Variants in CLCN6 observed in about 807,000 individuals in gnomAD.
CLCN6 encodes the protein Cl-/H+ antiporter 6, also known as H(+)/Cl(-) exchange transporter 6.
CLCN6 carries 70 observed loss-of-function variants against 109.8 expected under a neutral mutation model. The ratio of observed to expected loss-of-function variants is 0.64; its 90% CI spans 0.53 to 0.78. The LOEUF is 0.78. Ranked by LOEUF, CLCN6 falls within the 30% of genes least tolerant of loss-of-function variation. The pLI is 0.00. For synonymous variants in CLCN6, 444 were observed against 447.8 expected (o/e 0.99, Z 0.11); for missense variants, 984 against 1,142.3 (o/e 0.86, Z 2.00).
At chr1:11,836,584 T>C (rs1028511628) in intron 18 of CLCN6, among the ~76,000 whole-genome samples, 6 of 152,240 alleles carry the variant, frequency 3.9e-5, no homozygotes, top group African/African-American at 1.4e-4. Flanking sequence ...CAGACATCCC[T>C]TGGGTACCAG....
chr1:11,823,664 C>G, intron 6 of CLCN6, 43 bp from the exon 7 acceptor site: 5 of 1,613,510 alleles, frequency 3.1e-6, no homozygotes, highest in Non-Finnish European at 4.2e-6. Context: ...GCCAGAGAAC[C>G]AATGGATTTC....
chr1:11,817,813 T>C (rs936102567), intron 4 of CLCN6, among the ~76,000 whole-genome samples: 5 of 152,198 alleles, frequency 3.3e-5, no homozygotes, highest in African/African-American at 4.8e-5. Context: ...CAATTTTTAT[T>C]TTCATGGCAT....
chr1:11,819,383 G>T, intron 4 of CLCN6, 105 bp from the exon 5 acceptor site: 1 of 995,566 alleles, frequency 1.0e-6, no homozygotes, highest in South Asian at 1.3e-5. Context: ...AGCAGCCTCC[G>T]TATGTGCAGT....
intron 10 of CLCN6, among the ~76,000 whole-genome samples, chr1:11,827,898 G>A (rs1292166577): frequency 1.3e-5 from 2 of 152,216 alleles, no homozygotes; most frequent in South Asian, 2.1e-4. Context: ...TCATAGTAGA[G>A]TAGGCTGCTG....
At chr1:11,829,373 A>G in intron 13 of CLCN6, 51 bp downstream of exon 13, 1 of 1,608,772 alleles carries the variant, frequency 6.2e-7, no homozygotes, top group Non-Finnish European at 8.5e-7. Flanking sequence ...GGAAGAATCC[A>G]GAAATGTATG....
chr1:11,824,722 T>G (rs1327118638), intron 8 of CLCN6, among the ~76,000 whole-genome samples, 169 bp downstream of exon 8: 1 of 152,148 alleles, frequency 6.6e-6, no homozygotes, highest in Non-Finnish European at 1.5e-5. Flanking sequence ...AACTTATACT[T>G]GGAAGTTTTA....
At chr1:11,812,900 A>G (rs1644620391) in intron 2 of CLCN6, among the ~76,000 whole-genome samples, 1 of 152,120 alleles carries the variant, frequency 6.6e-6, no homozygotes, top group Non-Finnish European at 1.5e-5. Context: ...AATGTCATTA[A>G]CCAGGGAACA....
rs1570530081 is a variant in CLCN6, at chr1:11,826,210, G to A, written c.703G>A (p.Asp235Asn). Reference sequence around the variant, plus strand: ...GTTTAACTTCCCCTATTTCCGAAGCGACAGGTATGGAAAGGTTAGAAATTG... The same window carrying A: ...GTTTAACTTCCCCTATTTCCGAAGCAACAGGTATGGAAAGGTTAGAAATTG... Reference protein sequence around the residue: ...IQFNFPYFRSDRDKRDFVSAG... With the variant: ...IQFNFPYFRSNRDKRDFVSAG... The change falls in exon 9 of 23, where the codon GAC becomes AAC. Residue 235 changes from aspartate (D) to asparagine (N), a missense_variant. Coordinates refer to ENST00000346436, the MANE Select transcript of CLCN6 (RefSeq NM_001286.5). 3 of 1,612,692 alleles carry A rather than the reference G, an allele frequency of 1.9e-6. No individual in the cohort carries two copies. The highest frequency in any genetic ancestry group is 2.5e-6 in the Non-Finnish European group (3 of 1,178,706).
intron 4 of CLCN6, among the ~76,000 whole-genome samples, 197 bp from the exon 5 acceptor site, chr1:11,819,291 G>A (rs572641402): frequency 3.9e-5 from 6 of 151,992 alleles, no homozygotes; most frequent in African/African-American, 1.4e-4. Context: ...TTGTTCTTTG[G>A]AGGGGCAGTG....
chr1:11,817,470 G>A (rs1235061543), intron 4 of CLCN6, among the ~76,000 whole-genome samples: 2 of 152,192 alleles, frequency 1.3e-5, no homozygotes, highest in African/African-American at 4.8e-5. Context: ...GAACAGAGTT[G>A]GTGGAGGCAG....
intron 12 of CLCN6, 35 bp from the exon 13 acceptor site, chr1:11,829,161 C>T: frequency 1.2e-6 from 2 of 1,603,550 alleles, no homozygotes; most frequent in Non-Finnish European, 1.7e-6. Flanking sequence ...GAGCTTCTTT[C>T]TGTGGCGTTG....
At chr1:11,810,322 C>T (rs1336179756) in intron 2 of CLCN6, among the ~76,000 whole-genome samples, 1 of 152,088 alleles carries the variant, frequency 6.6e-6, no homozygotes, top group East Asian at 1.9e-4. Context: ...TGAGATGTGC[C>T]ATTGCAAACA....
intron 13 of CLCN6, among the ~76,000 whole-genome samples, chr1:11,830,813 CAAA>C (rs1644874213): frequency 7.8e-6 from 1 of 128,276 alleles, no homozygotes; most frequent in Admixed American, 7.3e-5. Context: ...CACACACACA[CAAA>C]CACACATTAT....
chr1:11,831,349 G>T (rs1644881655), intron 13 of CLCN6, among the ~76,000 whole-genome samples: 1 of 151,734 alleles, frequency 6.6e-6, no homozygotes, highest in Admixed American at 6.6e-5. Flanking sequence ...TAGAGACGGA[G>T]TTTCACTATT....
intron 5 of CLCN6, among the ~76,000 whole-genome samples, chr1:11,821,749 G>A (rs1644746643): frequency 1.3e-5 from 2 of 152,158 alleles, no homozygotes; most frequent in African/African-American, 4.8e-5. Context: ...CCGTAGACAT[G>A]TACAAAGGTG....
chr1:11,807,215 G>A, intron 2 of CLCN6, 25 bp downstream of exon 2: 1 of 1,607,862 alleles, frequency 6.2e-7, no homozygotes, highest in African/African-American at 1.3e-5. Context: ...TACTGCTTGG[G>A]CAACTAAAGT....
At chr1:11,810,031 A>C (rs948816001) in intron 2 of CLCN6, among the ~76,000 whole-genome samples, 3 of 152,256 alleles carry the variant, frequency 2.0e-5, no homozygotes, top group Non-Finnish European at 2.9e-5. Flanking sequence ...AAGCATGTGT[A>C]TAAAAACGTG....
At position 11,837,088 on chromosome 1, in the gene CLCN6, T is replaced by C; in HGVS notation, c.2070T>C (p.Cys690=). Residue 690 remains cysteine (C), a synonymous_variant, in exon 19 of 23, where the codon TGT becomes TGC. Transcript: ENST00000346436. Reference sequence around the variant, plus strand: ...CATCCAGCGAGCTACGGAACATGTGTGATGAGCACATCGCCTCTGAGGAGC... The same window carrying C: ...CATCCAGCGAGCTACGGAACATGTGCGATGAGCACATCGCCTCTGAGGAGC... The part of the protein sequence containing the change: ...SYPSSELRNM[C]DEHIASEEPA... 2 of 1,613,514 alleles carry C rather than the reference T, an allele frequency of 1.2e-6. No homozygotes were observed. The highest frequency in any genetic ancestry group is 1.7e-6 in the Non-Finnish European group (2 of 1,180,038).
At chr1:11,830,539 A>G (rs1364906459) in intron 13 of CLCN6, among the ~76,000 whole-genome samples, 1 of 151,970 alleles carries the variant, frequency 6.6e-6, no homozygotes, top group Non-Finnish European at 1.5e-5. Context: ...GCAAATATAC[A>G]CCATTTTATA....
Sources: gnomAD v4.1 joint callset for allele counts (sites outside exome capture counted in the v4.1 genomes callset) on GRCh38, gnomAD v4.1.1 for gene constraint, MANE v1.5 for transcripts, NCBI Gene and HGNC (gene_info 2026-07-23, HGNC 2026-07-21) for gene names.